The following PRICKLE2 variants were observed in gnomAD, a reference collection of about 807,000 sequenced individuals.
The protein encoded by PRICKLE2 is prickle-like protein 2.
PRICKLE2 carries 21 observed loss-of-function variants against 81.4 expected under a neutral mutation model. The observed-to-expected ratio is 0.26, with a 90% CI of 0.18 to 0.37. The LOEUF (loss-of-function observed/expected upper bound fraction) is 0.37. Among genes scored for constraint, PRICKLE2 ranks in the 10% least tolerant of loss-of-function variants. The probability of loss-of-function intolerance (pLI) is 1.00; values close to 1 mark genes in which losing one functional copy is unlikely to be tolerated. For synonymous variants in PRICKLE2, 456 were observed against 421.5 expected, an observed-to-expected ratio of 1.08 and a Z score of -1.00; for missense variants, 940 against 1,109.0, an observed-to-expected ratio of 0.85 and a Z score of 2.16.
intron 7 of PRICKLE2, among the ~76,000 whole-genome samples, chr3:64,112,991 T>A (rs9841970): frequency 3.3e-5 from 5 of 152,144 alleles, no homozygotes; most frequent in Admixed American, 3.3e-4. Flanking sequence ...GAACCCTGCA[T>A]GGGCTACCCT....
At chr3:64,173,753 C>G (rs1278566820) in intron 2 of PRICKLE2, among the ~76,000 whole-genome samples, 5 of 152,188 alleles carry the variant, frequency 3.3e-5, no homozygotes. Context: ...TCAACGGTCC[C>G]AGCAAATCAC....
At chr3:64,167,522 T>A (rs893224926) in intron 2 of PRICKLE2, among the ~76,000 whole-genome samples, 10 of 152,212 alleles carry the variant, frequency 6.6e-5, no homozygotes, top group African/African-American at 2.4e-4. Flanking sequence ...TGGCAGCAAC[T>A]TCAGTGTGTG....
intron 2 of PRICKLE2, among the ~76,000 whole-genome samples, chr3:64,258,772 C>T (rs1458228618): frequency 2.2e-5 from 3 of 136,134 alleles, no homozygotes; most frequent in Admixed American, 8.1e-5. Context: ...TGCAGTGAGC[C>T]GAGATCATGC....
chr3:64,237,106 G>A (rs576109251), intron 2 of PRICKLE2, among the ~76,000 whole-genome samples: 6 of 152,190 alleles, frequency 3.9e-5, no homozygotes, highest in African/African-American at 9.6e-5. Context: ...ATGGGCAATC[G>A]GCAGGAGGAG....
At chr3:64,209,358 T>G (rs1322158068) in intron 1 of PRICKLE2, among the ~76,000 whole-genome samples, 1 of 150,842 alleles carries the variant, frequency 6.6e-6, no homozygotes, top group African/African-American at 2.4e-5. Flanking sequence ...ATCCATTCAT[T>G]TATATCCGTA....
intron 7 of PRICKLE2, among the ~76,000 whole-genome samples, chr3:64,122,299 C>T (rs62249907): frequency 0.13 from 20,522 of 152,090 alleles, 1,757 homozygotes; most frequent in Non-Finnish European, 0.19. Flanking sequence ...AGTAGATGTC[C>T]CCACTAGCCC....
chr3:64,121,863 G>C (rs2077033966), intron 7 of PRICKLE2, among the ~76,000 whole-genome samples: 1 of 152,166 alleles, frequency 6.6e-6, no homozygotes, highest in Admixed American at 6.5e-5. Flanking sequence ...TCGGAAAGTA[G>C]AGCACACTGC....
At position 64,101,487 on chromosome 3, in the gene PRICKLE2, GA is replaced by G. The variant is rs534543018; in HGVS notation, c.1661-1563del. ...AATAAGATATGGCAGGGGTTTGTCA[GA>G]AGGACACAGGGCCTAACTTGAAGGG... On this transcript the variant is annotated intron_variant, in intron 7 of 7. Coordinates refer to ENST00000638394, the MANE Select transcript of PRICKLE2 (RefSeq NM_198859.4). 12 of 152,308 alleles carry G rather than the reference GA, an allele frequency of 7.9e-5. 1 individual carries two copies. Among genetic ancestry groups the G allele is most frequent in the African/African-American group, 2.4e-4 (10 of 41,564 alleles). The allele number at this position is 152,308 out of a possible 1,614,324, so 9.4% of individuals were successfully genotyped here. A position where few individuals can be genotyped will look rare whatever the true frequency, so the allele number is the denominator to read the frequency against.
At chr3:64,101,385 T>C (rs2106938333) in intron 7 of PRICKLE2, 1 of 152,342 alleles carries the variant, frequency 6.6e-6, no homozygotes, top group Admixed American at 6.5e-5. Flanking sequence ...TTTAGAAAGA[T>C]GGCCAATTCC....
chr3:64,248,432 C>T (rs753194013), intron 2 of PRICKLE2, among the ~76,000 whole-genome samples: 11 of 152,110 alleles, frequency 7.2e-5, no homozygotes, highest in Non-Finnish European at 1.5e-4. Flanking sequence ...CTGTGGATGC[C>T]GGGACACCCA....
intron 2 of PRICKLE2, among the ~76,000 whole-genome samples, chr3:64,248,877 T>C (rs145851840): frequency 6.6e-6 from 1 of 151,898 alleles, no homozygotes; most frequent in East Asian, 2.0e-4. Flanking sequence ...GAAAATGAGT[T>C]GAGAATTTAA....
At chr3:64,106,586 G>T (rs1442157915) in intron 7 of PRICKLE2, among the ~76,000 whole-genome samples, 1 of 152,162 alleles carries the variant, frequency 6.6e-6, no homozygotes, top group African/African-American at 2.4e-5. Flanking sequence ...CCGTGGCTGG[G>T]ATTCCTCCTC....
intron 2 of PRICKLE2, among the ~76,000 whole-genome samples, chr3:64,173,662 G>A (rs2077971903): frequency 6.6e-6 from 1 of 152,148 alleles, no homozygotes; most frequent in Admixed American, 6.5e-5. Context: ...AAGAGCAGTA[G>A]AAGAGCTGTA....
chr3:64,199,562 A>G (rs2078531276), intron 1 of PRICKLE2: 1 of 153,050 alleles, frequency 6.5e-6, no homozygotes, highest in African/African-American at 2.4e-5. Context: ...CCTCCATTAA[A>G]GATCCCTGTA....
At chr3:64,141,668 T>G (rs1354396497) in intron 7 of PRICKLE2, 1 of 286,114 alleles carries the variant, frequency 3.5e-6, no homozygotes, top group South Asian at 1.3e-4. Context: ...GAGAAGGGAC[T>G]GTACACTCCC....
intron 1 of PRICKLE2, among the ~76,000 whole-genome samples, chr3:64,219,796 T>A (rs893992479): frequency 6.6e-6 from 1 of 152,326 alleles, no homozygotes; most frequent in Non-Finnish European, 1.5e-5. Flanking sequence ...TGGACAGGAT[T>A]TGGACTCTAA....
chr3:64,256,346 T>C (rs3911779), intron 2 of PRICKLE2, among the ~76,000 whole-genome samples: 4 of 152,254 alleles, frequency 2.6e-5, no homozygotes, highest in African/African-American at 9.6e-5. Flanking sequence ...GAGACCTGTA[T>C]TTCGGAAAGG....
At chr3:64,196,843 C>T (rs962509900) in intron 2 of PRICKLE2, among the ~76,000 whole-genome samples, 2 of 152,232 alleles carry the variant, frequency 1.3e-5, no homozygotes, top group East Asian at 3.9e-4. Flanking sequence ...AAAGGAATGG[C>T]CATCACTCAA....
At chr3:64,170,700 C>G (rs796818493) in intron 2 of PRICKLE2, among the ~76,000 whole-genome samples, 1 of 109,528 alleles carries the variant, frequency 9.1e-6, no homozygotes, top group African/African-American at 3.8e-5. Context: ...CCTCTAGAAA[C>G]ATTAAAAAAA....
Sources: gnomAD v4.1 joint callset for allele counts (sites outside exome capture counted in the v4.1 genomes callset) on GRCh38, gnomAD v4.1.1 for gene constraint, MANE v1.5 for transcripts, NCBI Gene and HGNC (gene_info 2026-07-23, HGNC 2026-07-21) for gene names.